The following AP1G1 variants were observed in gnomAD, a reference collection of about 807,000 sequenced individuals.
The protein encoded by AP1G1 is adaptor related protein complex 1 subunit gamma 1, also known as AP-1 complex subunit gamma-1.
In AP1G1, 7 loss-of-function variants were observed where a neutral mutation model predicts 108.3. That is an observed-to-expected ratio of 0.06 (90% CI 0.04 to 0.12). The LOEUF (loss-of-function observed/expected upper bound fraction) is 0.12. AP1G1 is among the 10% of genes least tolerant of loss of function. AP1G1 has a pLI of 1.00. For missense variants in AP1G1, 756 were observed against 1,010.7 expected (o/e 0.75, Z 3.42); for synonymous variants, 379 against 353.5 (o/e 1.07, Z -0.81).
At chr16:71,805,407 A>C (rs1291177728) in intron 1 of AP1G1, among the ~76,000 whole-genome samples, 1 of 150,568 alleles carries the variant, frequency 6.6e-6, no homozygotes, top group East Asian at 2.0e-4. Flanking sequence ...GCCGAGATCG[A>C]GCCACTGCAC....
At position 71,777,840 on chromosome 16, in the gene AP1G1, T is replaced by C. The variant is rs1345618467; in HGVS notation, c.202-3248A>G. Reference sequence around the variant, plus strand: ...TCCATGCTTTTCTCCAACATGGTGCTAGGACTGGAGCTGGCAGGCAGCTAG... The same window carrying C: ...TCCATGCTTTTCTCCAACATGGTGCCAGGACTGGAGCTGGCAGGCAGCTAG... On this transcript the variant is annotated intron_variant, in intron 2 of 22. Transcript: ENST00000299980. 3 of 344,900 alleles carry C rather than the reference T, an allele frequency of 8.7e-6. No individual in the cohort carries two copies. In the East Asian group the frequency reaches 2.8e-4, roughly 32 times the overall value. 21.4% of individuals were successfully genotyped at this position (344,900 alleles called of 1,614,324 possible).
At chr16:71,768,601 A>T (rs1042461342) in intron 6 of AP1G1, among the ~76,000 whole-genome samples, 4 of 151,358 alleles carry the variant, frequency 2.6e-5, no homozygotes, top group African/African-American at 9.7e-5. Context: ...TAATAAAAAA[A>T]TTTTTAGTTT....
intron 19 of AP1G1, among the ~76,000 whole-genome samples, chr16:71,741,322 C>A (rs2045618003): frequency 6.6e-6 from 1 of 152,178 alleles, no homozygotes; most frequent in Non-Finnish European, 1.5e-5. Context: ...ATGGCTCATG[C>A]CTGTAATCCC....
chr16:71,808,388 T>TA, intron 1 of AP1G1: 1 of 958,690 alleles, frequency 1.0e-6, no homozygotes. Flanking sequence ...AGAACGCTGA[T>TA]ACGTGGCTCA....
chr16:71,757,173 G>A (rs1191415010), intron 11 of AP1G1, among the ~76,000 whole-genome samples: 2 of 152,034 alleles, frequency 1.3e-5, no homozygotes. Flanking sequence ...ATTTAGGCTG[G>A]GCACAAGTGG....
chr16:71,806,600 C>A, intron 1 of AP1G1: 2 of 826,624 alleles, frequency 2.4e-6, no homozygotes, highest in Non-Finnish European at 3.4e-6. Context: ...TAACTAACAT[C>A]TATGTGATAG....
At chr16:71,781,980 T>C (rs989746669) in intron 2 of AP1G1, among the ~76,000 whole-genome samples, 3 of 152,170 alleles carry the variant, frequency 2.0e-5, no homozygotes, top group Non-Finnish European at 2.9e-5. Context: ...CTGGTAGTCG[T>C]CTCTCTTTTG....
chr16:71,808,091 T>G, intron 1 of AP1G1: 2 of 1,161,258 alleles, frequency 1.7e-6, no homozygotes, highest in Non-Finnish European at 2.2e-6. Context: ...GTCCCGACTC[T>G]TTCAGGCAAT....
intron 6 of AP1G1, among the ~76,000 whole-genome samples, chr16:71,769,245 T>C (rs2031472419): frequency 6.6e-6 from 1 of 151,676 alleles, no homozygotes; most frequent in African/African-American, 2.4e-5. Context: ...ATCACGCCAT[T>C]GCACTCCAGC....
chr16:71,778,368 C>T (rs1238519261), intron 2 of AP1G1, among the ~76,000 whole-genome samples: 1 of 152,110 alleles, frequency 6.6e-6, no homozygotes, highest in Non-Finnish European at 1.5e-5. Flanking sequence ...GTGCTGAGAA[C>T]ATACCATGTT....
At chr16:71,768,498 C>CATAAAAAAAAA (rs1436171495) in intron 6 of AP1G1, among the ~76,000 whole-genome samples, 1 of 4,938 alleles carries the variant, frequency 2.0e-4, no homozygotes, top group African/African-American at 7.9e-4. Context: ...CAGACTCCGC[C>CATAAAAAAAAA]ACAAAAAAAA....
chr16:71,801,015 G>C (rs1015682115), intron 1 of AP1G1, among the ~76,000 whole-genome samples: 1 of 151,780 alleles, frequency 6.6e-6, no homozygotes, highest in Non-Finnish European at 1.5e-5. Context: ...AAACAAAAAT[G>C]AATTATATTG....
At position 71,767,901 on chromosome 16, in the gene AP1G1, A is replaced by G. The variant is rs200129109; in HGVS notation, c.642+1722T>C. ...CCTTTTCATTCTAACATACAGCAGG[A>G]TTCCAAACAGACAACAGGAACAAAA... On this transcript the variant is annotated intron_variant, in intron 6 of 22. Coordinates refer to ENST00000299980, the MANE Select transcript of AP1G1 (RefSeq NM_001128.6). 8.4e-5 allele frequency: 134 copies of G among 1,599,256 alleles called. No individual in the cohort carries two copies. In the African/African-American group the frequency reaches 1.7e-3, roughly 20 times the overall value.
chr16:71,792,368 G>A (rs1430597588), intron 1 of AP1G1, among the ~76,000 whole-genome samples: 4 of 152,060 alleles, frequency 2.6e-5, no homozygotes, highest in African/African-American at 4.8e-5. Flanking sequence ...TGTGGAGAAG[G>A]GCAATGACAA....
At chr16:71,766,175 A>C (rs905904119) in intron 6 of AP1G1, among the ~76,000 whole-genome samples, 1 of 152,172 alleles carries the variant, frequency 6.6e-6, no homozygotes, top group Non-Finnish European at 1.5e-5. Flanking sequence ...AAAAAATTAC[A>C]TCTTTCATCT....
chr16:71,792,840 C>T (rs906594432), intron 1 of AP1G1, among the ~76,000 whole-genome samples: 5 of 150,226 alleles, frequency 3.3e-5, no homozygotes, highest in Non-Finnish European at 5.9e-5. Context: ...GGTGACGGAG[C>T]GAGACTCTGT....
intron 19 of AP1G1, 44 bp downstream of exon 19, chr16:71,745,100 C>G: frequency 1.2e-6 from 2 of 1,605,988 alleles, no homozygotes; most frequent in Non-Finnish European, 1.7e-6. Flanking sequence ...TTCCCTGAGG[C>G]CTCTATCTTT....
chr16:71,783,548 T>A (rs570696468), intron 2 of AP1G1, among the ~76,000 whole-genome samples: 21 of 152,322 alleles, frequency 1.4e-4, no homozygotes, highest in African/African-American at 3.8e-4. Flanking sequence ...AATTTTTTTT[T>A]AATTTTTTAA....
chr16:71,778,225 C>T (rs1261111094), intron 2 of AP1G1, among the ~76,000 whole-genome samples: 1 of 152,186 alleles, frequency 6.6e-6, no homozygotes, highest in Non-Finnish European at 1.5e-5. Context: ...GCTTCAAAAA[C>T]AAGCATTTGC....
Sources: allele counts gnomAD v4.1 joint callset (sites outside exome capture counted in the v4.1 genomes callset), GRCh38; gene constraint gnomAD v4.1.1; transcripts MANE v1.5; gene names NCBI Gene and HGNC (gene_info 2026-07-23, HGNC 2026-07-21).